PXK: variants seen among roughly 807,000 people sequenced by gnomAD.
PXK encodes PX domain-containing protein kinase-like protein.
Under a neutral mutation model 84.7 loss-of-function variants are expected in PXK, and 35 were observed. The ratio of observed to expected loss-of-function variants is 0.41; its 90% CI spans 0.32 to 0.55. The LOEUF (loss-of-function observed/expected upper bound fraction) is 0.55, where lower values mean the gene tolerates loss of function less well. PXK is among the 20% of genes least tolerant of loss of function. The pLI is 0.21. For synonymous variants in PXK, 253 were observed against 260.8 expected (o/e 0.97, Z 0.29); for missense variants, 634 against 699.7 (o/e 0.91, Z 1.06).
Position 58,395,770 on chromosome 3 carries a change from C to T in PXK, c.822+11C>T. ...CGGCAAATATTAGAGGTAAGAGGTACTTTTGTTTAAGTTGCATTCAGATTT... is the reference window on the plus strand; with the variant it reads ...CGGCAAATATTAGAGGTAAGAGGTATTTTTGTTTAAGTTGCATTCAGATTT... On this transcript the variant is annotated intron_variant, in intron 9 of 17. Transcript: ENST00000356151. The T allele has an allele frequency of 6.3e-7, 1 of 1,589,608 alleles. No individual in the cohort carries two copies. The highest frequency in any genetic ancestry group is 2.2e-5 in the East Asian group (1 of 44,618).
rs983532870 is a variant in PXK at position 58,333,902 on chromosome 3, A to G, written c.102+812A>G. On this transcript the variant is annotated intron_variant, in intron 1 of 17. Transcript: ENST00000356151. The surrounding 1 kb of genome is among the most constrained non-coding windows in gnomAD (Gnocchi z 5.4). Reference sequence around the variant, plus strand: ...TTTTTTTTTTTTTGAAAGGCCCACTATGCATTATAATTTCCAAGCAATAAA... The same window carrying G: ...TTTTTTTTTTTTTGAAAGGCCCACTGTGCATTATAATTTCCAAGCAATAAA... 6.7e-6 allele frequency among the ~76,000 whole-genome samples: 1 copy of G among 149,174 alleles called. No individual in the cohort carries two copies.
rs1388984720 is a variant in PXK, at chr3:58,403,854, C to A, written c.1182-8C>A. ...AGAAAGATTTTTGTTTGTTTCTTTT[C>A]TTTACAGATTATTCAGCGATGTTTT... On this transcript the variant is annotated splice_polypyrimidine_tract_variant and splice_region_variant and intron_variant, in intron 12 of 17. Coordinates refer to ENST00000356151, the MANE Select transcript of PXK (RefSeq NM_017771.5). The A allele has an allele frequency of 1.3e-6, 2 of 1,530,776 alleles. No individual in the cohort carries two copies. The highest frequency in any genetic ancestry group is 2.6e-5 in the South Asian group (2 of 75,870). The allele number at this position is 1,530,776 out of a possible 1,614,324, so 94.8% of individuals were successfully genotyped here.
chr3:58,411,800 T>G lies in PXK; in HGVS notation c.1466-1101T>G, dbSNP rs2060244083. Among the ~76,000 whole-genome samples, 1 of 152,186 alleles carries G rather than the reference T, an allele frequency of 6.6e-6. No individual in the cohort carries two copies. ...GAAGCTTCTCCCCATTAAAGTTCAT[T>G]AGCACTACGAACAGTATAAAGACAG... On this transcript the variant is annotated intron_variant, in intron 16 of 17. Coordinates refer to ENST00000356151, the MANE Select transcript of PXK (RefSeq NM_017771.5). This position sits in a 1 kb window ranked among gnomAD's most constrained non-coding sequence, Gnocchi z 4.2.
In PXK at chr3:58,425,014, T is replaced by TA. The variant is rs1229613103; in HGVS notation, c.*55dup. The stretch of plus-strand genomic sequence containing the variant: ...GTTCTTTTTTATTCCTACTCACCCC[T>TA]ACCCCCCAAACTACCCTCTTCCTGG... On this transcript the variant is annotated 3_prime_UTR_variant, in exon 18 of 18. Transcript: ENST00000356151. The TA allele has an allele frequency of 6.3e-7, 1 of 1,591,838 alleles. No individual in the cohort carries two copies.
Position 58,409,521 on chromosome 3 carries a change from G to A in PXK, c.1309-11G>A, listed in dbSNP as rs1014545305. The A allele has an allele frequency of 1.2e-6, 2 of 1,610,166 alleles. No homozygotes were observed. Among genetic ancestry groups the A allele is most frequent in the Admixed American group, 3.4e-5 (2 of 59,596 alleles). Reference sequence around the variant, plus strand: ...ATGTGGGATATGCTTACATCTTATGGTCTTTTAAAGATTCACCAGCATCGA... The same window carrying A: ...ATGTGGGATATGCTTACATCTTATGATCTTTTAAAGATTCACCAGCATCGA... On this transcript the variant is annotated splice_polypyrimidine_tract_variant and intron_variant, in intron 14 of 17. Transcript: ENST00000356151. The surrounding 1 kb of genome is among the most constrained non-coding windows in gnomAD (Gnocchi z 4.2).
chr3:58,365,848 G>A (rs1445807741), intron 1 of PXK, 26 bp from the exon 2 acceptor site: 3 of 1,504,328 alleles, frequency 2.0e-6, no homozygotes, highest in Admixed American at 4.7e-5. Context: ...TTATAACTGA[G>A]GTTATTCTTC....
At chr3:58,378,015 T>C (rs780849791) in intron 3 of PXK, among the ~76,000 whole-genome samples, 4 of 152,202 alleles carry the variant, frequency 2.6e-5, no homozygotes, top group South Asian at 2.1e-4. Flanking sequence ...TCCCCAAATC[T>C]CCCATGTCCG....
At chr3:58,350,464 G>T (rs550855842) in intron 1 of PXK, among the ~76,000 whole-genome samples, 2 of 152,232 alleles carry the variant, frequency 1.3e-5, no homozygotes, top group South Asian at 4.1e-4. Context: ...TGATAGACTG[G>T]TTCTGCCTGT....
intron 9 of PXK, among the ~76,000 whole-genome samples, chr3:58,396,362 A>G (rs1177520525): frequency 6.6e-6 from 1 of 152,208 alleles, no homozygotes; most frequent in Non-Finnish European, 1.5e-5. Context: ...TAACATTTTT[A>G]AAAAACAACA....
In PXK at chr3:58,414,863, T is replaced by C. The variant is rs2060731875; in HGVS notation, c.1528+1900T>C. ...TAGCATTTGCCTGGCAACCTAGCATTTCAGGCCCTAAGCATTTCAACCCAA... is the reference window on the plus strand; with the variant it reads ...TAGCATTTGCCTGGCAACCTAGCATCTCAGGCCCTAAGCATTTCAACCCAA... On this transcript the variant is annotated intron_variant, in intron 17 of 17. Coordinates refer to ENST00000356151, the MANE Select transcript of PXK (RefSeq NM_017771.5). This position sits in a 1 kb window ranked among gnomAD's most constrained non-coding sequence, Gnocchi z 4.5. Among the ~76,000 whole-genome samples the C allele has an allele frequency of 6.6e-6, 1 of 152,188 alleles. No individual in the cohort carries two copies. The highest frequency in any genetic ancestry group is 6.5e-5 in the Admixed American group (1 of 15,284).
rs527926555 is a variant in PXK at position 58,391,994 on chromosome 3, T to C, written c.615+147T>C. On this transcript the variant is annotated intron_variant, in intron 7 of 17. Transcript: ENST00000356151. ...ACTGAAATTGTGTAGGGCTAATCTCTTAGATCATAGGCTATTTGAAATGGC... is the reference window on the plus strand; with the variant it reads ...ACTGAAATTGTGTAGGGCTAATCTCCTAGATCATAGGCTATTTGAAATGGC... 1,555 of 678,830 alleles carry C rather than the reference T, an allele frequency of 2.3e-3. 30 individuals carry two copies. Among genetic ancestry groups the C allele is most frequent in the Non-Finnish European group, 2.2e-4 (87 of 393,858 alleles). The allele number at this position is 678,830 out of a possible 1,614,324, so 42.1% of individuals were successfully genotyped here.
In PXK at chr3:58,397,417, A is replaced by G. The variant is rs907091462; in HGVS notation, c.985-188A>G. 1.1e-4 allele frequency among the ~76,000 whole-genome samples: 16 copies of G among 152,008 alleles called. No individual in the cohort carries two copies. Among genetic ancestry groups the G allele is most frequent in the Non-Finnish European group, 1.6e-4 (11 of 68,012 alleles). ...GGACTCACTGATTGGAAAACTGTGG[A>G]GGGTCGGACCAAGACCTTTGGGATA... On this transcript the variant is annotated intron_variant, in intron 10 of 17. Transcript: ENST00000356151. This position sits in a 1 kb window ranked among gnomAD's most constrained non-coding sequence, Gnocchi z 4.7.
At chr3:58,344,783 G>A (rs2097788354) in intron 1 of PXK, among the ~76,000 whole-genome samples, 1 of 152,172 alleles carries the variant, frequency 6.6e-6, no homozygotes, top group South Asian at 2.1e-4. Context: ...AGTCGAGATT[G>A]CACCATTGCA....
chr3:58,357,075 T>C (rs1369412270), intron 1 of PXK, among the ~76,000 whole-genome samples: 1 of 150,080 alleles, frequency 6.7e-6, no homozygotes, highest in Non-Finnish European at 1.5e-5. Flanking sequence ...GGTCAAGAGA[T>C]GGAGACCATT....
chr3:58,336,072 T>TATATATATATATATATATATA (rs58493068), intron 1 of PXK, among the ~76,000 whole-genome samples: 4 of 30,980 alleles, frequency 1.3e-4, no homozygotes, highest in African/African-American at 3.1e-4. Flanking sequence ...TATATATATA[T>TATATATATATATATATATATA]TTTTTTTTTT....
rs1472509796 is a variant in PXK, at chr3:58,421,014, A to G, written c.1529-3738A>G. 8 of 1,001,960 alleles carry G rather than the reference A, an allele frequency of 8.0e-6. No individual in the cohort carries two copies. The highest frequency in any genetic ancestry group is 9.5e-6 in the Non-Finnish European group (8 of 840,686). 62.1% of individuals were successfully genotyped at this position (1,001,960 alleles called of 1,614,324 possible). Reference sequence around the variant, plus strand: ...GCTTTTATAACTGACGGTAGGGAAAAACAGTTCTTTTGTAAGCATCCTTTA... The same window carrying G: ...GCTTTTATAACTGACGGTAGGGAAAGACAGTTCTTTTGTAAGCATCCTTTA... On this transcript the variant is annotated intron_variant, in intron 17 of 17. Transcript: ENST00000356151. The surrounding 1 kb of genome is among the most constrained non-coding windows in gnomAD (Gnocchi z 5.5).
At chr3:58,413,599 C>T (rs1251955940) in intron 17 of PXK, 1 of 145,218 alleles carries the variant, frequency 6.9e-6, no homozygotes, top group East Asian at 1.9e-4. Flanking sequence ...TGTTGAGTAG[C>T]CCCATAATAC....
chr3:58,406,339 A>G (rs2059407896), intron 13 of PXK, among the ~76,000 whole-genome samples: 1 of 151,010 alleles, frequency 6.6e-6, no homozygotes, highest in African/African-American at 2.4e-5. Context: ...GCAGTGGTGC[A>G]ATGACGGGGC....
intron 1 of PXK, among the ~76,000 whole-genome samples, chr3:58,357,989 A>G (rs1467802054): frequency 6.6e-6 from 1 of 152,130 alleles, no homozygotes; most frequent in Non-Finnish European, 1.5e-5. Context: ...AAAAAACAAA[A>G]AAACCAAGAA....
Sources: gnomAD v4.1 joint callset for allele counts (sites outside exome capture counted in the v4.1 genomes callset) on GRCh38, gnomAD v4.1.1 for gene constraint, Gnocchi (gnomAD v3.1) non-coding constraint, MANE v1.5 for transcripts, NCBI Gene and HGNC (gene_info 2026-07-23, HGNC 2026-07-21) for gene names.